Variants in CAPN13 observed in about 807,000 individuals in gnomAD.
CAPN13 encodes calpain-13.
In CAPN13, 90 loss-of-function variants were observed where a neutral mutation model predicts 98.4. The observed-to-expected ratio is 0.92, with a 90% CI of 0.77 to 1.09. The LOEUF is 1.09. Ranked by LOEUF, CAPN13 falls within the 50% of genes least tolerant of loss-of-function variation. The probability of loss-of-function intolerance (pLI) is 0.00; values close to 1 mark genes in which losing one functional copy is unlikely to be tolerated. For missense variants in CAPN13, 887 were observed against 841.3 expected, an observed-to-expected ratio of 1.05 and a Z score of -0.67; for synonymous variants, 330 against 305.5, an observed-to-expected ratio of 1.08 and a Z score of -0.84.
intron 1 of CAPN13, among the ~76,000 whole-genome samples, chr2:30,788,730 T>G (rs776878335): frequency 6.6e-6 from 1 of 152,194 alleles, no homozygotes. Context: ...ACATGTAAAC[T>G]TAACATAACT....
chr2:30,743,501 G>A lies in CAPN13; in HGVS notation c.1327C>T (p.Arg443Cys), dbSNP rs565169959. The change falls in exon 13 of 23, where the codon CGC (arginine) becomes TGC (cysteine). Residue 443 changes from arginine (R) to cysteine (C), a missense_variant. Arg to Cys is a radical substitution (Grantham distance 180). Transcript: ENST00000295055. ...AGATGGTAAGTCATGGTGAAGTTGC[G>A]GCGGAATTTATTATTTGAGCTTTGG... The part of the protein sequence containing the change: ...TVQSSNNKFR[R>C]NFTMTYHLSP... The A allele has an allele frequency of 4.0e-4, 638 of 1,613,924 alleles. 5 individuals carry two copies. In the South Asian group the frequency reaches 6.4e-3, roughly 16 times the overall value.
chr2:30,745,637 T>C, intron 12 of CAPN13, 86 bp downstream of exon 12: 2 of 1,377,318 alleles, frequency 1.5e-6, no homozygotes, highest in Non-Finnish European at 2.0e-6. Context: ...ACTGAACACG[T>C]GGAGGCCATG....
rs374598820 is a variant in CAPN13 at position 30,743,542 on chromosome 2, G to A, written c.1286C>T (p.Ser429Leu). The change falls in exon 13 of 23, where the codon TCG becomes TTG. Residue 429 changes from serine to leucine, a missense_variant. Transcript: ENST00000295055. ...TGAGCTTTGGACAGTGTTTCTGAAC[G>A]AGGAAAAAAACACGGGTGGAAATTT... Reference protein sequence around the residue: ...REKFPPVFFSSFRNTVQSSNN... With the variant: ...REKFPPVFFSLFRNTVQSSNN... 8.7e-6 allele frequency: 14 copies of A among 1,613,866 alleles called. No individual in the cohort carries two copies. Among genetic ancestry groups the A allele is most frequent in the Admixed American group, 1.7e-5 (1 of 60,010 alleles).
intron 5 of CAPN13, among the ~76,000 whole-genome samples, chr2:30,764,605 C>T (rs1673019906): frequency 6.6e-6 from 1 of 152,198 alleles, no homozygotes; most frequent in Non-Finnish European, 1.5e-5. Context: ...TTGAACCCCA[C>T]CTTTGCCACG....
intron 19 of CAPN13, 66 bp from the exon 20 acceptor site, chr2:30,732,632 G>C (rs1276677245): frequency 6.5e-7 from 1 of 1,548,338 alleles, no homozygotes; most frequent in East Asian, 2.4e-5. Flanking sequence ...TGCCTCTCAG[G>C]GTCTGAGACA....
intron 1 of CAPN13, among the ~76,000 whole-genome samples, chr2:30,798,801 A>C (rs527374023): frequency 6.6e-6 from 1 of 152,338 alleles, no homozygotes; most frequent in African/African-American, 2.4e-5. Context: ...ACAGTGTTCC[A>C]GCAAAACCCA....
rs368201544 is a variant in CAPN13 at position 30,779,190 on chromosome 2, G to T, written c.199-1551C>A. Among the ~76,000 whole-genome samples the T allele has an allele frequency of 8.0e-4, 122 of 152,266 alleles. No homozygotes were observed. The South Asian group carries it at 0.014, about 17-fold the overall frequency. ...CACAGCTCTTCTTCACTGTGGTCCT[G>T]CTAGCTCCCCTCCAGGGATCCCCAG... is the stretch of plus-strand genomic sequence containing the variant. On this transcript the variant is annotated intron_variant, in intron 2 of 22. Transcript: ENST00000295055.
chr2:30,764,197 G>A lies in CAPN13; in HGVS notation c.634C>T (p.Leu212=). 1.9e-6 allele frequency: 3 copies of A among 1,608,988 alleles called. No homozygotes were observed. Among genetic ancestry groups the A allele is most frequent in the Non-Finnish European group, 2.5e-6 (3 of 1,177,760 alleles). The change falls in exon 6 of 23, where the codon CTG becomes TTG. Residue 212 remains leucine, a synonymous_variant. Coordinates refer to ENST00000295055, the MANE Select transcript of CAPN13 (RefSeq NM_144575.3). ...NIHLHSSPVD[L]VKAVKTATKA... ...GTCGCTGTCTTCACTGCCTTCACCA[G>A]GTCCACAGGGGAAGAGTGCAGATGG...
chr2:30,762,356 C>A (rs906164799), intron 7 of CAPN13, among the ~76,000 whole-genome samples: 2 of 152,214 alleles, frequency 1.3e-5, no homozygotes, highest in Non-Finnish European at 2.9e-5. Context: ...CCTCCTCTTC[C>A]ATGAGAATAA....
At position 30,803,648 on chromosome 2, in the gene CAPN13, G is replaced by A. The variant is rs76564365; in HGVS notation, c.-33+3654C>T. Among the ~76,000 whole-genome samples the A allele has an allele frequency of 8.2e-3, 1,254 of 152,296 alleles. 15 individuals carry two copies. Among genetic ancestry groups the A allele is most frequent in the African/African-American group, 0.029 (1,192 of 41,544 alleles). ...GCAGCTCGTCACCCCAGCCACTACC[G>A]TGGGACATGGTACACGTCCCATCTC... On this transcript the variant is annotated intron_variant, in intron 1 of 22. Transcript: ENST00000295055.
chr2:30,728,973 G>A (rs1326472640), intron 22 of CAPN13, among the ~76,000 whole-genome samples: 1 of 152,250 alleles, frequency 6.6e-6, no homozygotes, highest in East Asian at 1.9e-4. Context: ...GGAAGGGGTA[G>A]GAGATGAAGA....
chr2:30,740,592 C>T (rs1671605074), intron 15 of CAPN13, among the ~76,000 whole-genome samples: 1 of 152,236 alleles, frequency 6.6e-6, no homozygotes, highest in Non-Finnish European at 1.5e-5. Context: ...GGCTGGAATC[C>T]AGTCTCTTTT....
intron 19 of CAPN13, among the ~76,000 whole-genome samples, chr2:30,733,637 C>T (rs892643965): frequency 6.6e-6 from 1 of 152,012 alleles, no homozygotes; most frequent in Non-Finnish European, 1.5e-5. Flanking sequence ...CTGAAGAGTC[C>T]CAGTTCCACA....
At chr2:30,763,188 A>G (rs1159103332) in intron 6 of CAPN13, 32 bp from the exon 7 acceptor site, 4 of 1,583,994 alleles carry the variant, frequency 2.5e-6, no homozygotes, top group Non-Finnish European at 3.5e-6. Flanking sequence ...CAAACATTAG[A>G]CATCTACAGG....
intron 15 of CAPN13, among the ~76,000 whole-genome samples, chr2:30,740,339 T>C (rs1435849640): frequency 6.6e-6 from 1 of 152,194 alleles, no homozygotes; most frequent in Non-Finnish European, 1.5e-5. Flanking sequence ...CCGATCCACC[T>C]GCCTTGGCCT....
intron 15 of CAPN13, among the ~76,000 whole-genome samples, chr2:30,740,054 C>T (rs1440658262): frequency 4.7e-5 from 7 of 150,156 alleles, no homozygotes; most frequent in East Asian, 3.9e-4. Context: ...AAGGAAGAAC[C>T]GGTGGTAGTA....
rs140310192 is a variant in CAPN13, at chr2:30,752,901, G to A, written c.1087+152C>T. On this transcript the variant is annotated intron_variant, in intron 10 of 22. Transcript: ENST00000295055. ...AGCAATCATTTTACTTAGAGGAGCA[G>A]TCGCTGTCTCTTCATGCTGACAAAC... Among the ~76,000 whole-genome samples, 236 of 152,316 alleles carry A rather than the reference G, an allele frequency of 1.5e-3. 2 individuals are homozygous for A. The highest frequency in any genetic ancestry group is 0.014 in the Middle Eastern group (4 of 294).
chr2:30,732,420 C>T lies in CAPN13; in HGVS notation c.1927+18G>A, dbSNP rs369160119. ...GGTCACTGCCAAGGTCTCTGGGATG[C>T]CCCTTGGGGACACTTACTTGCCATG... On this transcript the variant is annotated intron_variant, in intron 20 of 22. Transcript: ENST00000295055. 5.0e-6 allele frequency: 8 copies of T among 1,612,392 alleles called. No individual in the cohort carries two copies. Among genetic ancestry groups the T allele is most frequent in the African/African-American group, 2.7e-5 (2 of 74,906 alleles).
At chr2:30,796,234 A>G (rs538142407) in intron 1 of CAPN13, among the ~76,000 whole-genome samples, 31 of 146,474 alleles carry the variant, frequency 2.1e-4, no homozygotes, top group African/African-American at 7.0e-4. Context: ...GTATATATAT[A>G]TGTGTGCATA....
Sources: gnomAD v4.1 joint callset for allele counts (sites outside exome capture counted in the v4.1 genomes callset) on GRCh38, gnomAD v4.1.1 for gene constraint, MANE v1.5 for transcripts, NCBI Gene and HGNC (gene_info 2026-07-23, HGNC 2026-07-21) for gene names.